The following EXOC6 variants were observed in gnomAD, a reference collection of about 807,000 sequenced individuals.
The protein encoded by EXOC6 is SEC15-like 1.
A neutral mutation model predicts 112.5 loss-of-function variants in EXOC6; 60 were observed. The ratio of observed to expected loss-of-function variants is 0.53; its 90% confidence interval spans 0.43 to 0.66. EXOC6 has a LOEUF of 0.66. Among genes scored for constraint, EXOC6 ranks in the 30% least tolerant of loss-of-function variants. The pLI is 0.00. For missense variants in EXOC6, 855 were observed against 957.1 expected (o/e 0.89, Z 1.41); for synonymous variants, 295 against 308.0 (o/e 0.96, Z 0.44).
chr10:92,946,638 T>C (rs553952876), intron 13 of EXOC6, among the ~76,000 whole-genome samples: 11 of 152,304 alleles, frequency 7.2e-5, no homozygotes, highest in African/African-American at 2.4e-4. Flanking sequence ...GGATGTCTGT[T>C]TGCACACCTG....
Position 92,894,789 on chromosome 10 carries a change from T to C in EXOC6, c.274-5T>C. On this transcript the variant is annotated splice_region_variant and splice_polypyrimidine_tract_variant and intron_variant, in intron 2 of 21. Transcript: ENST00000260762. ...GTCTAACTAAGGTGAAATTAAATTT[T>C]TAAGGTGCAAGTTACTGATACCAAC... 1.2e-6 allele frequency: 2 copies of C among 1,613,124 alleles called. No homozygotes were observed. The highest frequency in any genetic ancestry group is 1.3e-5 in the African/African-American group (1 of 75,004).
At chr10:92,934,479 G>A in intron 11 of EXOC6, 49 bp downstream of exon 11, 1 of 1,472,902 alleles carries the variant, frequency 6.8e-7, no homozygotes. Flanking sequence ...GTTACTTCAA[G>A]AACTTCTGAG....
Position 92,983,651 on chromosome 10 carries a change from C to T in EXOC6, c.1953+9419C>T, listed in dbSNP as rs192721135. ...TCCTGAGTAGCTGGATAATTACAGG[C>T]GTGCGCCACCACGCCCTACTAATTT... On this transcript the variant is annotated intron_variant, in intron 18 of 21. Coordinates refer to ENST00000260762, the MANE Select transcript of EXOC6 (RefSeq NM_019053.6). Among the ~76,000 whole-genome samples, 222 of 151,960 alleles carry T rather than the reference C, an allele frequency of 1.5e-3. 1 individual carries two copies. The highest frequency in any genetic ancestry group is 2.6e-3 in the Non-Finnish European group (180 of 67,970).
At chr10:93,013,312 A>T (rs945314673) in intron 19 of EXOC6, among the ~76,000 whole-genome samples, 5 of 138,374 alleles carry the variant, frequency 3.6e-5, no homozygotes, top group Non-Finnish European at 3.0e-5. Context: ...AATCCTTTCT[A>T]AAAAAATCAC....
intron 1 of EXOC6, among the ~76,000 whole-genome samples, chr10:92,862,388 A>G (rs1283229407): frequency 1.3e-5 from 2 of 150,840 alleles, no homozygotes; most frequent in Non-Finnish European, 3.0e-5. Context: ...AGTTTGAGGT[A>G]GGTCATTTGG....
chr10:92,858,786 G>C (rs1453245025), intron 1 of EXOC6, among the ~76,000 whole-genome samples: 2 of 151,868 alleles, frequency 1.3e-5, no homozygotes, highest in African/African-American at 2.4e-5. Flanking sequence ...TTTTTTTTGA[G>C]ACAGAGTCTT....
intron 17 of EXOC6, among the ~76,000 whole-genome samples, chr10:92,972,064 T>G (rs534594191): frequency 6.6e-6 from 1 of 152,218 alleles, no homozygotes; most frequent in Non-Finnish European, 1.5e-5. Flanking sequence ...CATCTGGTGA[T>G]TGGATACAGA....
chr10:92,829,155 G>A (rs747818706), intron 1 of EXOC6, among the ~76,000 whole-genome samples: 2 of 152,072 alleles, frequency 1.3e-5, no homozygotes, highest in Non-Finnish European at 1.5e-5. Context: ...GTGCCATAGG[G>A]AGCAGACAAC....
At chr10:93,007,376 C>T (rs935889515) in intron 19 of EXOC6, among the ~76,000 whole-genome samples, 2 of 151,954 alleles carry the variant, frequency 1.3e-5, no homozygotes, top group African/African-American at 2.4e-5. Context: ...GCCGGCTGGG[C>T]GCAATGGCTC....
rs533360989 is a variant in EXOC6 at position 93,028,850 on chromosome 10, A to G, written c.2169+14583A>G. Among the ~76,000 whole-genome samples the G allele has an allele frequency of 9.7e-4, 148 of 152,072 alleles. No homozygotes were observed. In the East Asian group the frequency reaches 0.026, roughly 26 times the overall value. On this transcript the variant is annotated intron_variant, in intron 20 of 21. Transcript: ENST00000260762. ...ACTCCATCTCAAAAAAAAAAAAAAA[A>G]AAAAGAATTTAGAATATTACATAAA... is the stretch of plus-strand genomic sequence containing the variant.
intron 12 of EXOC6, 76 bp from the exon 13 acceptor site, chr10:92,940,651 C>A: frequency 2.2e-6 from 2 of 904,568 alleles, no homozygotes; most frequent in Non-Finnish European, 3.4e-6. Flanking sequence ...CCAAATGATT[C>A]TCTAGTATTC....
intron 18 of EXOC6, among the ~76,000 whole-genome samples, chr10:92,982,422 GCTACCATGATT>G (rs61249909): frequency 0.78 from 118,031 of 151,838 alleles, 47,211 homozygotes; most frequent in East Asian, 0.99. Context: ...GCCATGGTAG[GCTACCATGATT>G]AGACCATTTT....
intron 5 of EXOC6, among the ~76,000 whole-genome samples, chr10:92,902,592 T>C (rs773724944): frequency 6.6e-6 from 1 of 152,148 alleles, no homozygotes; most frequent in Non-Finnish European, 1.5e-5. Flanking sequence ...TTATGACTTG[T>C]ACATTTTTGT....
At chr10:92,883,230 C>A (rs1357511992) in intron 1 of EXOC6, among the ~76,000 whole-genome samples, 1 of 152,098 alleles carries the variant, frequency 6.6e-6, no homozygotes, top group Non-Finnish European at 1.5e-5. Context: ...TATCCAAATT[C>A]TATATTTTGA....
exon 1 of EXOC6, among the ~76,000 whole-genome samples, chr10:92,826,886 TGCCTG>T (rs1193051101): frequency 6.6e-6 from 1 of 152,096 alleles, no homozygotes; most frequent in East Asian, 1.9e-4. Flanking sequence ...AGGTGGAGCA[TGCCTG>T]GTAAAGTGTG....
intron 19 of EXOC6, among the ~76,000 whole-genome samples, chr10:93,011,887 C>T (rs1461375578): frequency 6.6e-6 from 1 of 152,124 alleles, no homozygotes; most frequent in Middle Eastern, 3.2e-3. Context: ...AAGTATACCA[C>T]TTATTGTCTA....
At chr10:92,955,528 A>AT in intron 16 of EXOC6, 52 bp from the exon 17 acceptor site, 1 of 1,463,922 alleles carries the variant, frequency 6.8e-7, no homozygotes, top group African/African-American at 1.4e-5. Flanking sequence ...AAATTAGGTG[A>AT]TTTTACATAC....
At position 92,976,526 on chromosome 10, in the gene EXOC6, C is replaced by T. The variant is rs368132393; in HGVS notation, c.1953+2294C>T. On this transcript the variant is annotated intron_variant, in intron 18 of 21. Transcript: ENST00000260762. ...CAAGTACCCAGGGACACAAACACTG[C>T]GGAAGGCCGCAGGGTCCTCTGCCTA... Among the ~76,000 whole-genome samples, 7 of 151,706 alleles carry T rather than the reference C, an allele frequency of 4.6e-5. No homozygotes were observed. In the East Asian group the frequency reaches 5.8e-4, roughly 13 times the overall value.
In EXOC6 at chr10:92,848,577, A is replaced by C; in HGVS notation, c.44A>C (p.Glu15Ala). 1 of 1,454,332 alleles carries C rather than the reference A, an allele frequency of 6.9e-7. No individual in the cohort carries two copies. Among genetic ancestry groups the C allele is most frequent in the South Asian group, 1.2e-5 (1 of 82,058 alleles). 90.1% of individuals were successfully genotyped at this position (1,454,332 alleles called of 1,614,324 possible). A position where few individuals can be genotyped will look rare whatever the true frequency, so the allele number is the denominator to read the frequency against. The change falls in exon 1 of 22, where the codon GAG becomes GCG. Residue 15 changes from glutamate (E) to alanine (A), a missense_variant. This residue lies in a region of EXOC6 where 405 missense variants were observed against 393.6 expected (regional missense o/e 1.03). Transcript: ENST00000260762. ...AGTCTGGGCACCGTCCCCGAGCACG[A>C]GCGGATCTTGCAGGAGATCGAGAGC... ...SESLGTVPEHERILQEIESTD... is the reference protein window; with the variant it reads ...SESLGTVPEHARILQEIESTD...
Sources: gnomAD v4.1 joint callset for allele counts (sites outside exome capture counted in the v4.1 genomes callset) on GRCh38, gnomAD v4.1.1 for gene constraint, gnomAD v4.1.1 regional missense constraint, MANE v1.5 for transcripts, NCBI Gene and HGNC (gene_info 2026-07-23, HGNC 2026-07-21) for gene names.